Variants in FAM13B observed in about 807,000 individuals in gnomAD.
FAM13B encodes protein FAM13B.
In FAM13B, 60 loss-of-function variants were observed where a neutral mutation model predicts 117.3. The observed-to-expected ratio is 0.51, with a 90% confidence interval of 0.42 to 0.63. The LOEUF (loss-of-function observed/expected upper bound fraction) is 0.63, where lower values mean the gene tolerates loss of function less well. Ranked by LOEUF, FAM13B falls within the 30% of genes least tolerant of loss-of-function variation. The pLI is 0.00. For missense variants in FAM13B, 972 were observed against 1,091.9 expected (o/e 0.89, Z 1.55); for synonymous variants, 332 against 356.1 (o/e 0.93, Z 0.76).
chr5:138,040,893 G>C (rs1791479452), intron 1 of FAM13B, among the ~76,000 whole-genome samples: 1 of 151,602 alleles, frequency 6.6e-6, no homozygotes, highest in Non-Finnish European at 1.5e-5. Flanking sequence ...GCAAAACCCT[G>C]CCTCTACTAA....
chr5:138,022,593 G>A (rs1349607672), intron 1 of FAM13B, among the ~76,000 whole-genome samples: 1 of 152,162 alleles, frequency 6.6e-6, no homozygotes, highest in East Asian at 1.9e-4. Context: ...AAGACATGTA[G>A]TTAATCTACC....
At chr5:137,987,331 A>C (rs568481334) in intron 9 of FAM13B, 130 bp downstream of exon 9, 4 of 755,964 alleles carry the variant, frequency 5.3e-6, no homozygotes, top group African/African-American at 3.5e-5. Context: ...GTATATATAC[A>C]AAGTCACTTT....
intron 19 of FAM13B, 49 bp downstream of exon 19, chr5:137,946,179 T>G: frequency 6.7e-7 from 1 of 1,492,968 alleles, no homozygotes; most frequent in Non-Finnish European, 9.2e-7. Context: ...TTGATTCATG[T>G]TCTTTTTTAA....
At chr5:138,015,286 A>G (rs1277932944) in intron 4 of FAM13B, among the ~76,000 whole-genome samples, 3 of 152,256 alleles carry the variant, frequency 2.0e-5, no homozygotes, top group Non-Finnish European at 4.4e-5. Context: ...CTGTCCAGCT[A>G]CCACAGAAAA....
intron 1 of FAM13B, among the ~76,000 whole-genome samples, chr5:138,048,574 AG>A (rs1343558265): frequency 6.6e-6 from 1 of 152,158 alleles, no homozygotes; most frequent in Non-Finnish European, 1.5e-5. Context: ...TTTGTACCCA[AG>A]GAAAAAGCTC....
chr5:138,051,526 A>C (rs1477889645), intron 1 of FAM13B, among the ~76,000 whole-genome samples: 2 of 152,344 alleles, frequency 1.3e-5, no homozygotes, highest in East Asian at 3.9e-4. Flanking sequence ...GCATTTCTCT[A>C]ATCACAAGTG....
At chr5:138,014,288 C>G (rs1452997006) in intron 4 of FAM13B, among the ~76,000 whole-genome samples, 5 of 152,186 alleles carry the variant, frequency 3.3e-5, no homozygotes, top group African/African-American at 1.2e-4. Flanking sequence ...TTCTCAGTAT[C>G]TGGAGCAAGG....
At chr5:137,981,896 G>A (rs1412624167) in intron 10 of FAM13B, among the ~76,000 whole-genome samples, 1 of 152,164 alleles carries the variant, frequency 6.6e-6, no homozygotes, top group Non-Finnish European at 1.5e-5. Flanking sequence ...AGACAGTGAT[G>A]AGGAGATTTG....
chr5:138,021,864 C>T (rs1786822011), intron 1 of FAM13B, among the ~76,000 whole-genome samples: 1 of 152,102 alleles, frequency 6.6e-6, no homozygotes, highest in South Asian at 2.1e-4. Flanking sequence ...TGGCTATAAT[C>T]CCAGCACTAT....
chr5:138,044,031 A>G (rs1186357101), intron 1 of FAM13B, among the ~76,000 whole-genome samples: 2 of 151,858 alleles, frequency 1.3e-5, no homozygotes, highest in African/African-American at 4.8e-5. Context: ...TGATCCTCCC[A>G]CCTCAACCTC....
chr5:137,944,278 AC>A (rs1762777555), intron 20 of FAM13B, among the ~76,000 whole-genome samples: 1 of 152,112 alleles, frequency 6.6e-6, no homozygotes, highest in Admixed American at 6.5e-5. Flanking sequence ...CTGACATTCG[AC>A]TCAGCAATCC....
intron 14 of FAM13B, among the ~76,000 whole-genome samples, chr5:137,955,975 G>A (rs1766425443): frequency 6.6e-6 from 1 of 152,026 alleles, no homozygotes; most frequent in Admixed American, 6.5e-5. Flanking sequence ...GATGCTATTG[G>A]CTATTAGCAA....
chr5:138,014,212 C>T (rs1784730403), intron 4 of FAM13B, among the ~76,000 whole-genome samples: 1 of 152,246 alleles, frequency 6.6e-6, no homozygotes, highest in Non-Finnish European at 1.5e-5. Context: ...GCTGGGATTA[C>T]AGGCGTGAGT....
upstream of FAM13B, among the ~76,000 whole-genome samples, chr5:138,034,995 C>CTTTTTT (rs557807234): frequency 6.1e-3 from 209 of 34,378 alleles, 64 homozygotes; most frequent in African/African-American, 0.018. Flanking sequence ...ATTCCCTTGC[C>CTTTTTT]TTTTTTTTTT....
At chr5:138,032,605 G>A (rs1012438197) in intron 1 of FAM13B, among the ~76,000 whole-genome samples, 177 bp downstream of exon 1, 5 of 152,340 alleles carry the variant, frequency 3.3e-5, no homozygotes, top group Admixed American at 1.3e-4. Context: ...TTTCTCCAGC[G>A]GAAAGGGGGC....
In FAM13B at chr5:137,939,764, C is replaced by T. The variant is rs1448906900; in HGVS notation, c.*461G>A. 2.2e-5 allele frequency: 18 copies of T among 835,456 alleles called. No individual in the cohort carries two copies. The highest frequency in any genetic ancestry group is 2.7e-5 in the Non-Finnish European group (18 of 657,780). The allele number at this position is 835,456 out of a possible 1,614,324, so 51.8% of individuals were successfully genotyped here. On this transcript the variant is annotated 3_prime_UTR_variant, in exon 24 of 24. Transcript: ENST00000689681. ...AACAGAGAACACAGTTGCGTATGTG[C>T]ACTTTTATAGGCTTTTCTTTCAAAT...
intron 10 of FAM13B, among the ~76,000 whole-genome samples, chr5:137,982,391 A>G (rs1366562240): frequency 1.3e-5 from 2 of 152,142 alleles, no homozygotes; most frequent in Admixed American, 6.6e-5. Context: ...TGTCTCAACT[A>G]AAAATACAAA....
Position 137,971,450 on chromosome 5 carries a change from A to C in FAM13B, c.1180-8981T>G, listed in dbSNP as rs377105265. Among the ~76,000 whole-genome samples, 136 of 149,318 alleles carry C rather than the reference A, an allele frequency of 9.1e-4. 2 individuals carry two copies. The highest frequency in any genetic ancestry group is 6.6e-3 in the South Asian group (30 of 4,536). On this transcript the variant is annotated intron_variant, in intron 10 of 23. Coordinates refer to ENST00000689681, the MANE Select transcript of FAM13B (RefSeq NM_001385994.1). ...CACAACATACCAGAATCTCTGGGAC[A>C]CATTCAAAGCAGTGTGTAGAGGGAA...
At chr5:138,000,035 A>G (rs1466047631) in intron 7 of FAM13B, among the ~76,000 whole-genome samples, 1 of 152,222 alleles carries the variant, frequency 6.6e-6, no homozygotes, top group Non-Finnish European at 1.5e-5. Flanking sequence ...CATTGCTACT[A>G]AAAAAGTTTA....
Sources: gnomAD v4.1 joint callset for allele counts (sites outside exome capture counted in the v4.1 genomes callset) on GRCh38, gnomAD v4.1.1 for gene constraint, MANE v1.5 for transcripts, NCBI Gene and HGNC (gene_info 2026-07-23, HGNC 2026-07-21) for gene names.